Variants in ANKIB1 observed in about 807,000 individuals in gnomAD.
The protein encoded by ANKIB1 is ankyrin repeat and IBR domain containing 1.
In ANKIB1, 43 loss-of-function variants were observed where a neutral mutation model predicts 122.1. The ratio of observed to expected loss-of-function variants is 0.35; its 90% CI spans 0.28 to 0.45. ANKIB1 has a LOEUF of 0.45. Among genes scored for constraint, ANKIB1 ranks in the 20% least tolerant of loss-of-function variants. The pLI is 1.00. For missense variants in ANKIB1, 992 were observed against 1,329.5 expected, an observed-to-expected ratio of 0.75 and a Z score of 3.95; for synonymous variants, 390 against 442.0, an observed-to-expected ratio of 0.88 and a Z score of 1.48.
intron 1 of ANKIB1, among the ~76,000 whole-genome samples, chr7:92,272,080 T>A (rs1405130542): frequency 1.3e-5 from 2 of 151,902 alleles, no homozygotes; most frequent in South Asian, 2.1e-4. Flanking sequence ...AATGAAAAAA[T>A]TTTGGACTTG....
intron 14 of ANKIB1, among the ~76,000 whole-genome samples, chr7:92,388,981 C>G (rs565685672): frequency 6.6e-6 from 1 of 152,152 alleles, no homozygotes; most frequent in Non-Finnish European, 1.5e-5. Context: ...CCTCACAAGT[C>G]GTACAGCTCT....
intron 6 of ANKIB1, 136 bp downstream of exon 6, chr7:92,343,368 T>A: frequency 1.4e-6 from 1 of 708,444 alleles, no homozygotes; most frequent in Non-Finnish European, 2.3e-6. Context: ...AAAGGTTCGG[T>A]TATTTCCATG....
intron 11 of ANKIB1, among the ~76,000 whole-genome samples, chr7:92,371,948 G>GA (rs1285850780): frequency 2.9e-5 from 4 of 138,680 alleles, no homozygotes; most frequent in Admixed American, 7.4e-5. Context: ...TCTTGAGAGA[G>GA]GGGTGTGTGT....
chr7:92,253,164 C>G (rs1801366388), intron 1 of ANKIB1, among the ~76,000 whole-genome samples: 2 of 152,196 alleles, frequency 1.3e-5, no homozygotes, highest in Non-Finnish European at 2.9e-5. Context: ...TCCAGCACCC[C>G]AGGGTTTTTC....
At chr7:92,342,119 T>G (rs1418050089) in intron 5 of ANKIB1, among the ~76,000 whole-genome samples, 1 of 152,064 alleles carries the variant, frequency 6.6e-6, no homozygotes, top group Non-Finnish European at 1.5e-5. Flanking sequence ...TTTTATAGAA[T>G]GTGCCTACAG....
At chr7:92,304,018 C>T (rs1051870831) in intron 2 of ANKIB1, among the ~76,000 whole-genome samples, 2 of 151,974 alleles carry the variant, frequency 1.3e-5, no homozygotes, top group African/African-American at 4.8e-5. Context: ...ACCCCACCTT[C>T]CTGTTAATTA....
intron 1 of ANKIB1, among the ~76,000 whole-genome samples, chr7:92,250,168 CG>C (rs760663759): frequency 6.6e-6 from 1 of 151,894 alleles, no homozygotes; most frequent in African/African-American, 2.4e-5. Context: ...CTGAGGCAGG[CG>C]GATCACCTGA....
intron 11 of ANKIB1, among the ~76,000 whole-genome samples, chr7:92,383,537 C>T (rs1804566747): frequency 6.6e-6 from 1 of 152,154 alleles, no homozygotes; most frequent in African/African-American, 2.4e-5. Context: ...AAAAGCTTAT[C>T]CACCAAGATC....
chr7:92,377,020 T>C (rs961777245), intron 11 of ANKIB1, among the ~76,000 whole-genome samples: 1 of 152,180 alleles, frequency 6.6e-6, no homozygotes, highest in Non-Finnish European at 1.5e-5. Flanking sequence ...AAATAGCACT[T>C]TTACTTTCCT....
rs571255886 is a variant in ANKIB1, at chr7:92,391,145, T to A, written c.2053-21T>A. On this transcript the variant is annotated intron_variant, in intron 15 of 19. Transcript: ENST00000265742. The stretch of plus-strand genomic sequence containing the variant: ...TAACCTATGAAGCCTGTGATTTTTT[T>A]TTTTTCTCTGCTTACTATAGACAGA... The A allele has an allele frequency of 1.1e-4, 179 of 1,564,212 alleles. No individual in the cohort carries two copies. The African/African-American group carries it at 2.0e-3, about 18-fold the overall frequency.
At chr7:92,337,668 G>A (rs1262198148) in intron 5 of ANKIB1, among the ~76,000 whole-genome samples, 1 of 152,066 alleles carries the variant, frequency 6.6e-6, no homozygotes, top group African/African-American at 2.4e-5. Flanking sequence ...GATTCTCTTT[G>A]TCAAACAGAC....
intron 4 of ANKIB1, among the ~76,000 whole-genome samples, chr7:92,323,970 C>T (rs954340405): frequency 6.6e-6 from 1 of 152,238 alleles, no homozygotes; most frequent in Admixed American, 6.5e-5. Flanking sequence ...GTTTAACCTA[C>T]TCTGTTCTGC....
intron 1 of ANKIB1, among the ~76,000 whole-genome samples, chr7:92,251,452 GTATCACTAGATGTTCTA>G (rs1801329474): frequency 6.6e-6 from 1 of 152,050 alleles, no homozygotes; most frequent in African/African-American, 2.4e-5. Flanking sequence ...CACATTTGCT[GTATCACTAGATGTTCTA>G]TATCACATCT....
chr7:92,375,510 G>A (rs1358568975), intron 11 of ANKIB1, among the ~76,000 whole-genome samples: 1 of 152,164 alleles, frequency 6.6e-6, no homozygotes, highest in Non-Finnish European at 1.5e-5. Context: ...TTATCCGTAA[G>A]AAACAACTTC....
intron 1 of ANKIB1, among the ~76,000 whole-genome samples, chr7:92,273,204 T>C (rs1267017210): frequency 2.6e-5 from 4 of 152,012 alleles, no homozygotes; most frequent in Non-Finnish European, 5.9e-5. Flanking sequence ...AGAAAACTTA[T>C]TTGAGCATGA....
intron 11 of ANKIB1, among the ~76,000 whole-genome samples, chr7:92,381,374 T>A (rs1400804698): frequency 6.6e-6 from 1 of 152,036 alleles, no homozygotes; most frequent in Non-Finnish European, 1.5e-5. Context: ...ACATTCAAGT[T>A]CAGGAAACAC....
chr7:92,364,241 A>C (rs1031297886), intron 10 of ANKIB1, among the ~76,000 whole-genome samples: 3 of 134,478 alleles, frequency 2.2e-5, no homozygotes, highest in African/African-American at 8.3e-5. Flanking sequence ...TGAACCCAGG[A>C]GGTGGAGGTT....
intron 1 of ANKIB1, among the ~76,000 whole-genome samples, chr7:92,284,777 T>C (rs939823303): frequency 2.6e-5 from 4 of 152,226 alleles, no homozygotes; most frequent in Non-Finnish European, 5.9e-5. Context: ...TAATAATTTG[T>C]ACGTGATTGC....
chr7:92,276,487 C>G (rs1356042371), intron 1 of ANKIB1, among the ~76,000 whole-genome samples: 3 of 152,228 alleles, frequency 2.0e-5, no homozygotes, highest in African/African-American at 7.2e-5. Context: ...ATGGGCCAGT[C>G]TTGCAAGGAG....
Sources: allele counts gnomAD v4.1 joint callset (sites outside exome capture counted in the v4.1 genomes callset), GRCh38; gene constraint gnomAD v4.1.1; transcripts MANE v1.5; gene names NCBI Gene and HGNC (gene_info 2026-07-23, HGNC 2026-07-21).